Variants in BRCA2 observed in about 807,000 individuals in gnomAD.
BRCA2 encodes BRCA2 DNA repair associated, also known as breast cancer type 2 susceptibility protein.
A neutral mutation model predicts 276.7 loss-of-function variants in BRCA2; 203 were observed. The ratio of observed to expected loss-of-function variants is 0.73; its 90% CI spans 0.65 to 0.82. BRCA2 has a LOEUF of 0.82. Ranked by LOEUF, BRCA2 falls within the 40% of genes least tolerant of loss-of-function variation. BRCA2 has a pLI of 0.00. For missense variants in BRCA2, 3,920 were observed against 3,915.0 expected (o/e 1.00, Z -0.03); for synonymous variants, 1,289 against 1,338.4 (o/e 0.96, Z 0.81).
intron 13 of BRCA2, among the ~76,000 whole-genome samples, chr13:32,353,639 C>A (rs761265930): frequency 6.6e-6 from 1 of 152,136 alleles, no homozygotes; most frequent in East Asian, 1.9e-4. Context: ...CATGCAAAAA[C>A]AAAATTTTGT....
intron 18 of BRCA2, among the ~76,000 whole-genome samples, 192 bp from the exon 19 acceptor site, chr13:32,370,210 A>C (rs1181659402): frequency 1.3e-5 from 2 of 152,232 alleles, no homozygotes; most frequent in Non-Finnish European, 2.9e-5. Context: ...ATGTTTGAGA[A>C]GTACTATATT....
At chr13:32,397,646 T>A (rs751105701) in intron 26 of BRCA2, among the ~76,000 whole-genome samples, 2 of 152,204 alleles carry the variant, frequency 1.3e-5, no homozygotes, top group African/African-American at 4.8e-5. Context: ...TGCTATACAT[T>A]GTTTGACTTA....
chr13:32,344,457 A>G (rs2072595642), intron 11 of BRCA2, 101 bp from the exon 12 acceptor site: 1 of 717,858 alleles, frequency 1.4e-6, no homozygotes, highest in Non-Finnish European at 2.4e-6. Flanking sequence ...TTAACATTTA[A>G]AGAGTCAATA....
chr13:32,382,548 G>A (rs761880946), intron 24 of BRCA2, among the ~76,000 whole-genome samples: 1 of 152,166 alleles, frequency 6.6e-6, no homozygotes, highest in Admixed American at 6.5e-5. Context: ...TGAGGACCAA[G>A]AATTGATCAT....
chr13:32,351,192 T>C (rs1414960307), intron 13 of BRCA2, among the ~76,000 whole-genome samples: 4 of 152,206 alleles, frequency 2.6e-5, no homozygotes, highest in Non-Finnish European at 5.9e-5. Context: ...GCTCACTCTT[T>C]AGTGAGCACT....
At chr13:32,348,112 A>G (rs1297280740) in intron 13 of BRCA2, among the ~76,000 whole-genome samples, 1 of 152,148 alleles carries the variant, frequency 6.6e-6, no homozygotes, top group Non-Finnish European at 1.5e-5. Context: ...AAAATATGAT[A>G]GCACAAATAA....
chr13:32,329,286 A>G lies in BRCA2; in HGVS notation c.632-157A>G, dbSNP rs867693726. 3.9e-5 allele frequency among the ~76,000 whole-genome samples: 6 copies of G among 152,260 alleles called. No individual in the cohort carries two copies. The South Asian group carries it at 1.2e-3, about 32-fold the overall frequency. On this transcript the variant is annotated intron_variant, in intron 7 of 26. Coordinates refer to ENST00000380152, the MANE Select transcript of BRCA2 (RefSeq NM_000059.4). Reference sequence around the variant, plus strand: ...TATAGTTTATTCACTGTGTTGATTGACCTTTCTAATTACTATACTTAAGTA... The same window carrying G: ...TATAGTTTATTCACTGTGTTGATTGGCCTTTCTAATTACTATACTTAAGTA...
rs528719862 is a variant in BRCA2 at position 32,331,813 on chromosome 13, C to T, written c.794-459C>T. Among the ~76,000 whole-genome samples, 3 of 151,610 alleles carry T rather than the reference C, an allele frequency of 2.0e-5. No homozygotes were observed. In the East Asian group the frequency reaches 5.8e-4, roughly 29 times the overall value. ...CATTTTTCTTAGTATGTGTGTATGTCTGTATAACTGTGTAGGATTTGATAT... is the reference window on the plus strand; with the variant it reads ...CATTTTTCTTAGTATGTGTGTATGTTTGTATAACTGTGTAGGATTTGATAT... On this transcript the variant is annotated intron_variant, in intron 9 of 26. Transcript: ENST00000380152.
intron 3 of BRCA2, among the ~76,000 whole-genome samples, chr13:32,321,952 A>G (rs899398799): frequency 1.3e-5 from 2 of 151,992 alleles, no homozygotes; most frequent in Admixed American, 6.6e-5. Context: ...TTTTTTTTAA[A>G]TAGCCGAGTT....
intron 20 of BRCA2, among the ~76,000 whole-genome samples, chr13:32,372,524 G>A (rs1031732809): frequency 6.6e-6 from 1 of 152,120 alleles, no homozygotes; most frequent in African/African-American, 2.4e-5. Flanking sequence ...CCACTTGTAA[G>A]CCATCAGATC....
Position 32,376,708 on chromosome 13 carries a change from A to C in BRCA2, c.8671A>C (p.Thr2891Pro), listed in dbSNP as rs2137612680. 1 of 1,614,142 alleles carries C rather than the reference A, an allele frequency of 6.2e-7. No individual in the cohort carries two copies. Among genetic ancestry groups the C allele is most frequent in the Non-Finnish European group, 8.5e-7 (1 of 1,180,006 alleles). ...TKPYLPSRAL[T>P]RQQVRALQDG... ...ACCATATTTACCATCACGTGCACTA[A>C]CAAGACAGCAAGTTCGTGCTTTGCA... The change falls in exon 21 of 27, where the codon ACA (threonine) becomes CCA (proline). Residue 2891 changes from threonine (T) to proline (P), a missense_variant. Coordinates refer to ENST00000380152, the MANE Select transcript of BRCA2 (RefSeq NM_000059.4).
At position 32,357,773 on chromosome 13, in the gene BRCA2, TA is replaced by T. The variant is rs879255463; in HGVS notation, c.7654del (p.Ile2552LeufsTer96). 6.2e-7 allele frequency: 1 copy of T among 1,613,742 alleles called. No homozygotes were observed. Among genetic ancestry groups the T allele is most frequent in the Non-Finnish European group, 8.5e-7 (1 of 1,179,738 alleles). On this transcript the variant is annotated frameshift_variant, in exon 16 of 27. Coordinates refer to ENST00000380152, the MANE Select transcript of BRCA2 (RefSeq NM_000059.4). LOFTEE classifies it high-confidence loss of function. ...ACGTATGGCGTTTCTAAACATTGCA[TA>T]AAAATTAACAGCAAAAATGCAGAGT... ...LYTYGVSKHC[I>X]KINSKNAESF... is the part of the protein sequence containing the mutation.
rs56253082 is a variant in BRCA2, at chr13:32,340,137, G to T, written c.5782G>T (p.Glu1928Ter). 1.2e-6 allele frequency: 2 copies of T among 1,613,228 alleles called. No homozygotes were observed. Among genetic ancestry groups the T allele is most frequent in the Non-Finnish European group, 1.7e-6 (2 of 1,179,572 alleles). The change falls in exon 11 of 27, where the codon GAA (glutamate) becomes TAA (stop). Residue 1928 changes from glutamate (E) to a stop codon, truncating the protein, a stop_gained. Coordinates refer to ENST00000380152, the MANE Select transcript of BRCA2 (RefSeq NM_000059.4). LOFTEE classifies it high-confidence loss of function. ...HKVFADIQSE[E>*]ILQHNQNMSG... Reference sequence around the variant, plus strand: ...GGTTTTTGCTGACATTCAGAGTGAAGAAATTTTACAACATAACCAAAATAT... The same window carrying T: ...GGTTTTTGCTGACATTCAGAGTGAATAAATTTTACAACATAACCAAAATAT...
chr13:32,346,641 T>C (rs1049758447), intron 12 of BRCA2, among the ~76,000 whole-genome samples, 186 bp from the exon 13 acceptor site: 1 of 152,126 alleles, frequency 6.6e-6, no homozygotes. Flanking sequence ...CTGTGAGTTA[T>C]TTGGTGCATA....
At chr13:32,347,790 C>G (rs1300421806) in intron 13 of BRCA2, among the ~76,000 whole-genome samples, 1 of 152,090 alleles carries the variant, frequency 6.6e-6, no homozygotes, top group Non-Finnish European at 1.5e-5. Flanking sequence ...AAAATACTGA[C>G]AGTTGAGGAT....
chr13:32,337,550 T>C lies in BRCA2; in HGVS notation c.3195T>C (p.Ile1065=). 6.2e-7 allele frequency: 1 copy of C among 1,608,084 alleles called. No individual in the cohort carries two copies. Among genetic ancestry groups the C allele is most frequent in the Non-Finnish European group, 8.5e-7 (1 of 1,176,946 alleles). The change falls in exon 11 of 27, where the codon ATT becomes ATC. Residue 1065 remains isoleucine (I), a synonymous_variant. Transcript: ENST00000380152. ...NQKKLSKPQS[I]NTVSAHLQSS... is the part of the protein sequence containing the mutation. ...AGAAACTGAGCAAGCCTCAGTCAAT[T>C]AATACTGTATCTGCACATTTACAGA...
At chr13:32,389,736 T>G (rs1399893999) in intron 24 of BRCA2, among the ~76,000 whole-genome samples, 1 of 152,224 alleles carries the variant, frequency 6.6e-6, no homozygotes, top group East Asian at 1.9e-4. Context: ...CGACTGTGTT[T>G]CCAGATAAGG....
intron 13 of BRCA2, among the ~76,000 whole-genome samples, chr13:32,351,408 A>G (rs2072650015): frequency 6.6e-6 from 1 of 152,206 alleles, no homozygotes; most frequent in South Asian, 2.1e-4. Context: ...GACACATCTG[A>G]ACATCAGGAA....
At chr13:32,377,966 C>T (rs1042011019) in intron 21 of BRCA2, among the ~76,000 whole-genome samples, 1 of 152,116 alleles carries the variant, frequency 6.6e-6, no homozygotes, top group Non-Finnish European at 1.5e-5. Flanking sequence ...CCTCCTGTTC[C>T]GAAATGTTAC....
Sources: allele counts gnomAD v4.1 joint callset (sites outside exome capture counted in the v4.1 genomes callset), GRCh38; gene constraint gnomAD v4.1.1; transcripts MANE v1.5; gene names NCBI Gene and HGNC (gene_info 2026-07-23, HGNC 2026-07-21).